Variants in MYO16 observed in about 807,000 individuals in gnomAD.
MYO16 encodes the protein myosin XVI, also known as unconventional myosin-XVI.
A neutral mutation model predicts 205.3 loss-of-function variants in MYO16; 94 were observed. The observed-to-expected ratio is 0.46, with a 90% confidence interval of 0.39 to 0.54. MYO16 has a LOEUF of 0.54. Among genes scored for constraint, MYO16 ranks in the 20% least tolerant of loss-of-function variants. The probability of loss-of-function intolerance (pLI) is 0.00; values close to 1 mark genes in which losing one functional copy is unlikely to be tolerated. For missense variants in MYO16, 2,315 were observed against 2,387.5 expected (o/e 0.97, Z 0.63); for synonymous variants, 988 against 954.0 (o/e 1.04, Z -0.66).
intron 32 of MYO16, among the ~76,000 whole-genome samples, chr13:109,144,644 A>G (rs1877246870): frequency 6.6e-6 from 1 of 152,186 alleles, no homozygotes; most frequent in Admixed American, 6.5e-5. Flanking sequence ...TAGCTTTCTT[A>G]CCAAATAATA....
the MYO16 span, among the ~76,000 whole-genome samples, chr13:108,527,573 A>G: frequency 2.0e-5 from 3 of 152,226 alleles, no homozygotes; most frequent in East Asian, 5.8e-4. Flanking sequence ...TACTCATTAA[A>G]GAAATCATTT....
At chr13:108,528,573 C>T in the MYO16 span, among the ~76,000 whole-genome samples, 107 of 101,498 alleles carry the variant, frequency 1.1e-3, no homozygotes, top group Middle Eastern at 5.5e-3. Context: ...TCTCCTCTCC[C>T]CTCCCCTCCC....
chr13:108,983,769 A>C (rs1884532866), intron 20 of MYO16, among the ~76,000 whole-genome samples: 1 of 152,300 alleles, frequency 6.6e-6, no homozygotes, highest in Non-Finnish European at 1.5e-5. Flanking sequence ...ACTGAAGGGC[A>C]TGGTGAGGCT....
chr13:108,954,207 G>T (rs1483298544), intron 16 of MYO16, among the ~76,000 whole-genome samples: 4 of 152,234 alleles, frequency 2.6e-5, no homozygotes, highest in Non-Finnish European at 5.9e-5. Context: ...GTGCAGGGCT[G>T]CAGGGAGCTT....
Position 108,913,896 on chromosome 13 carries a change from C to G in MYO16, c.1925+3746C>G, listed in dbSNP as rs145129592. On this transcript the variant is annotated intron_variant, in intron 16 of 34. Coordinates refer to ENST00000457511, the MANE Select transcript of MYO16 (RefSeq NM_001198950.3). The stretch of plus-strand genomic sequence containing the variant: ...TGTTCAGTTGTTCAAATAGAGCAAA[C>G]ACCAACCTGTAACCAATCCAGCTGT... Among the ~76,000 whole-genome samples the G allele has an allele frequency of 1.3e-4, 20 of 152,244 alleles. No homozygotes were observed. In the East Asian group the frequency reaches 3.7e-3, roughly 28 times the overall value.
chr13:108,838,677 A>AT lies in MYO16; in HGVS notation c.1098-5666_1098-5665insT, dbSNP rs1555304207. On this transcript the variant is annotated intron_variant, in intron 9 of 34. Coordinates refer to ENST00000457511, the MANE Select transcript of MYO16 (RefSeq NM_001198950.3). ...AGTGAGACTGTCTCAAAAAAAAAAA[A>AT]AATATATATATATACACACACACAC... 0.021 allele frequency among the ~76,000 whole-genome samples: 1,497 copies of AT among 72,722 alleles called. 59 individuals are homozygous for AT. The East Asian group carries it at 0.24, about 12-fold the overall frequency. 47.7% of individuals were successfully genotyped at this position (72,722 alleles called of 152,430 possible).
intron 1 of MYO16, among the ~76,000 whole-genome samples, chr13:108,622,373 A>G (rs966978007): frequency 1.3e-5 from 2 of 152,230 alleles, no homozygotes; most frequent in East Asian, 3.9e-4. Context: ...TTGAACCTCA[A>G]CCAGGTGACC....
At chr13:108,915,395 A>G (rs1357857179) in intron 16 of MYO16, among the ~76,000 whole-genome samples, 1 of 152,244 alleles carries the variant, frequency 6.6e-6, no homozygotes, top group Non-Finnish European at 1.5e-5. Flanking sequence ...ATTAAAATAA[A>G]AACAGAAAAA....
chr13:109,138,978 C>T (rs1030690575), intron 31 of MYO16, among the ~76,000 whole-genome samples: 1 of 152,086 alleles, frequency 6.6e-6, no homozygotes, highest in African/African-American at 2.4e-5. Flanking sequence ...GCCACCTCGC[C>T]CAGCTAATTT....
At chr13:109,176,741 G>C (rs186787784) in intron 33 of MYO16, among the ~76,000 whole-genome samples, 1 of 151,116 alleles carries the variant, frequency 6.6e-6, no homozygotes, top group Admixed American at 6.6e-5. Flanking sequence ...CTGACTTCTC[G>C]GGCCCAGTCG....
chr13:109,009,063 A>G lies in MYO16; in HGVS notation c.2595+14A>G. 1 of 1,562,236 alleles carries G rather than the reference A, an allele frequency of 6.4e-7. No individual in the cohort carries two copies. Among genetic ancestry groups the G allele is most frequent in the Non-Finnish European group, 8.7e-7 (1 of 1,155,974 alleles). On this transcript the variant is annotated intron_variant, in intron 22 of 34. Coordinates refer to ENST00000457511, the MANE Select transcript of MYO16 (RefSeq NM_001198950.3). ...TTTTTTTTCCAGGTATTCATATAATATAATTAGATACTTAACAGGATATAT... is the reference window on the plus strand; with the variant it reads ...TTTTTTTTCCAGGTATTCATATAATGTAATTAGATACTTAACAGGATATAT...
At chr13:108,707,721 A>G (rs1883566515) in intron 2 of MYO16, among the ~76,000 whole-genome samples, 1 of 152,188 alleles carries the variant, frequency 6.6e-6, no homozygotes, top group Non-Finnish European at 1.5e-5. Flanking sequence ...CTTCCAAATG[A>G]GGCGTTCAGA....
At chr13:109,168,811 T>G (rs887354291) in intron 33 of MYO16, among the ~76,000 whole-genome samples, 2 of 152,172 alleles carry the variant, frequency 1.3e-5, no homozygotes, top group Non-Finnish European at 2.9e-5. Flanking sequence ...ATATTTTAAC[T>G]AATGACAATG....
chr13:108,528,033 A>G, the MYO16 span, among the ~76,000 whole-genome samples: 1 of 152,294 alleles, frequency 6.6e-6, no homozygotes, highest in African/African-American at 2.4e-5. Context: ...TCATTTTGAC[A>G]CTGGAAAATT....
the MYO16 span, among the ~76,000 whole-genome samples, chr13:108,558,412 G>A: frequency 1.3e-5 from 2 of 152,196 alleles, no homozygotes; most frequent in African/African-American, 4.8e-5. Flanking sequence ...TTGAATCAAA[G>A]GGTAAGACAT....
At chr13:108,747,045 A>G (rs1220670886) in intron 4 of MYO16, among the ~76,000 whole-genome samples, 1 of 152,228 alleles carries the variant, frequency 6.6e-6, no homozygotes, top group Non-Finnish European at 1.5e-5. Context: ...ATAGAATTTT[A>G]TTTCCAGCAA....
At chr13:108,764,556 C>T (rs914193085) in intron 4 of MYO16, among the ~76,000 whole-genome samples, 9 of 152,120 alleles carry the variant, frequency 5.9e-5, no homozygotes, top group Non-Finnish European at 1.3e-4. Flanking sequence ...ATACCAAATA[C>T]TTACCTGTGG....
intron 32 of MYO16, among the ~76,000 whole-genome samples, chr13:109,154,911 G>GAAAAAAAAAAAAAA (rs59465499): frequency 1.3e-4 from 8 of 62,684 alleles, no homozygotes; most frequent in South Asian, 7.6e-4. Flanking sequence ...GGCTAATTAT[G>GAAAAAAAAAAAAAA]AAAAAAAAAA....
At chr13:109,018,278 C>T (rs889098959) in intron 22 of MYO16, among the ~76,000 whole-genome samples, 8 of 152,170 alleles carry the variant, frequency 5.3e-5, no homozygotes, top group Admixed American at 2.0e-4. Context: ...ACCCTGTTTG[C>T]CTGGGTATCA....
Sources: allele counts gnomAD v4.1 joint callset (sites outside exome capture counted in the v4.1 genomes callset), GRCh38; gene constraint gnomAD v4.1.1; transcripts MANE v1.5; gene names NCBI Gene and HGNC (gene_info 2026-07-23, HGNC 2026-07-21).